DNAL1: variants seen among roughly 807,000 people sequenced by gnomAD.
DNAL1 encodes the protein dynein axonemal light chain 1.
DNAL1 carries 17 observed loss-of-function variants against 29.4 expected under a neutral mutation model. The observed-to-expected ratio is 0.58, with a 90% CI of 0.40 to 0.87. The LOEUF (loss-of-function observed/expected upper bound fraction) is 0.87. Ranked by LOEUF, DNAL1 falls within the 40% of genes least tolerant of loss-of-function variation. The pLI is 0.00. For missense variants in DNAL1, 188 were observed against 214.1 expected (o/e 0.88, Z 0.76); for synonymous variants, 78 against 76.3 (o/e 1.02, Z -0.12).
chr14:73,669,508 C>CTCG (rs1288680452), intron 4 of DNAL1, among the ~76,000 whole-genome samples: 1 of 152,154 alleles, frequency 6.6e-6, no homozygotes, highest in African/African-American at 2.4e-5. Context: ...ATCTTCTGAC[C>CTCG]TCGTGATCCA....
At chr14:73,676,590 G>A (rs56227914) in intron 5 of DNAL1, among the ~76,000 whole-genome samples, 2,483 of 152,126 alleles carry the variant, frequency 0.016, 54 homozygotes, top group African/African-American at 0.054. Flanking sequence ...TAGCTGTGTA[G>A]TTTTCTACAG....
intron 1 of DNAL1, among the ~76,000 whole-genome samples, chr14:73,648,613 C>G (rs948230424): frequency 2.7e-5 from 4 of 149,690 alleles, no homozygotes; most frequent in Admixed American, 2.7e-4. Context: ...AGAGGGTTCT[C>G]CATGTTGCCC....
At chr14:73,689,271 A>T (rs1421898617) in intron 6 of DNAL1, 104 bp from the exon 7 acceptor site, 58 of 1,347,806 alleles carry the variant, frequency 4.3e-5, no homozygotes, top group Non-Finnish European at 5.4e-5. Flanking sequence ...TGATGTCGTG[A>T]TCCGCCCGCC....
At position 73,684,635 on chromosome 14, in the gene DNAL1, G is replaced by A. The variant is rs114114129; in HGVS notation, c.265-2624G>A. Among the ~76,000 whole-genome samples the A allele has an allele frequency of 8.1e-3, 1,236 of 152,194 alleles. 24 individuals carry two copies. Among genetic ancestry groups the A allele is most frequent in the African/African-American group, 0.028 (1,160 of 41,498 alleles). ...AGGTCAGCTGGGCATGGTGGCTCAC[G>A]CCTATAGTCCTAGCACTTTGGGAGG... On this transcript the variant is annotated intron_variant, in intron 5 of 7. Transcript: ENST00000553645.
chr14:73,666,098 G>T (rs1891471430), intron 4 of DNAL1, among the ~76,000 whole-genome samples: 1 of 152,092 alleles, frequency 6.6e-6, no homozygotes, highest in Non-Finnish European at 1.5e-5. Flanking sequence ...TGACTATGAA[G>T]CAAAAAGAAG....
At position 73,696,068 on chromosome 14, in the gene DNAL1, C is replaced by T; in HGVS notation, c.*126C>T. 1.1e-6 allele frequency: 1 copy of T among 869,588 alleles called. No individual in the cohort carries two copies. The highest frequency in any genetic ancestry group is 1.7e-6 in the Non-Finnish European group (1 of 581,800). The allele number at this position is 869,588 out of a possible 1,614,324, so 53.9% of individuals were successfully genotyped here. ...GTTTCTTAAGATAAAACAGATCACT[C>T]ATTCTCATCTTTTTTTTTCCTTTAA... On this transcript the variant is annotated 3_prime_UTR_variant, in exon 8 of 8. Transcript: ENST00000553645.
chr14:73,663,979 G>T (rs1324307349), intron 4 of DNAL1, among the ~76,000 whole-genome samples: 3 of 152,156 alleles, frequency 2.0e-5, no homozygotes, highest in Non-Finnish European at 2.9e-5. Context: ...TCTCTTCTTT[G>T]TATAATTGTG....
chr14:73,660,002 T>C (rs1891308203), intron 3 of DNAL1, among the ~76,000 whole-genome samples: 2 of 152,092 alleles, frequency 1.3e-5, no homozygotes, highest in Admixed American at 1.3e-4. Flanking sequence ...TCTCGGCTCA[T>C]TGGAACCTCT....
At chr14:73,667,194 G>A (rs1253090162) in intron 4 of DNAL1, among the ~76,000 whole-genome samples, 5 of 151,146 alleles carry the variant, frequency 3.3e-5, no homozygotes, top group East Asian at 1.9e-4. Context: ...GGGGACGGTG[G>A]CTCACACCTG....
chr14:73,691,843 G>GCC (rs1256450027), intron 7 of DNAL1, among the ~76,000 whole-genome samples: 36 of 98,420 alleles, frequency 3.7e-4, no homozygotes, highest in African/African-American at 1.2e-3. Context: ...ACAGGCGTGC[G>GCC]CCACCCCCCC....
Position 73,689,394 on chromosome 14 carries a change from A to G in DNAL1, c.411A>G (p.Ala137=), listed in dbSNP as rs568135719. The part of the protein sequence containing the change: ...VKDWAEFVKL[A]ELPCLEDLVF... ...TTGTAGCTGAGTTTGTGAAGCTGGCAGAACTGCCATGCCTCGAAGACCTGG... is the reference window on the plus strand; with the variant it reads ...TTGTAGCTGAGTTTGTGAAGCTGGCGGAACTGCCATGCCTCGAAGACCTGG... Residue 137 remains alanine, a synonymous_variant, in exon 7 of 8, where the codon GCA becomes GCG. Transcript: ENST00000553645. 4.5e-6 allele frequency: 7 copies of G among 1,552,968 alleles called. No homozygotes were observed. The highest frequency in any genetic ancestry group is 6.1e-6 in the Non-Finnish European group (7 of 1,147,552).
chr14:73,658,961 G>C lies in DNAL1; in HGVS notation c.152+5G>C. 4.1e-6 allele frequency: 6 copies of C among 1,469,224 alleles called. No individual in the cohort carries two copies. The highest frequency in any genetic ancestry group is 5.4e-6 in the Non-Finnish European group (6 of 1,102,264). The allele number at this position is 1,469,224 out of a possible 1,614,324, so 91.0% of individuals were successfully genotyped here. On this transcript the variant is annotated splice_donor_5th_base_variant and intron_variant, in intron 3 of 7. Coordinates refer to ENST00000553645, the MANE Select transcript of DNAL1 (RefSeq NM_031427.4). ...GTCCATGCTTGCTAATTGCGAGTAA[G>C]TTCTCTTTTCATCCTTCCAGTATTG...
intron 7 of DNAL1, among the ~76,000 whole-genome samples, chr14:73,694,803 C>T (rs1457068309): frequency 6.6e-6 from 1 of 151,502 alleles, no homozygotes; most frequent in African/African-American, 2.4e-5. Flanking sequence ...GATTCTCCTG[C>T]CTCAGCCTTC....
chr14:73,693,992 C>A (rs532669473), intron 7 of DNAL1, among the ~76,000 whole-genome samples: 2 of 152,194 alleles, frequency 1.3e-5, no homozygotes, highest in African/African-American at 4.8e-5. Context: ...TCAAACTATG[C>A]TCACTGCCGT....
intron 1 of DNAL1, among the ~76,000 whole-genome samples, chr14:73,648,549 G>T (rs1595197892): frequency 3.3e-5 from 5 of 150,684 alleles, no homozygotes; most frequent in Admixed American, 3.3e-4. Flanking sequence ...GAGTAGTTGG[G>T]ACTACAGGCC....
At chr14:73,665,855 G>A (rs985820891) in intron 4 of DNAL1, among the ~76,000 whole-genome samples, 4 of 152,036 alleles carry the variant, frequency 2.6e-5, no homozygotes, top group African/African-American at 4.8e-5. Flanking sequence ...GGCTGGCAGT[G>A]GGTTTTAAAT....
intron 4 of DNAL1, among the ~76,000 whole-genome samples, chr14:73,669,149 T>C (rs1380276123): frequency 1.3e-5 from 2 of 152,138 alleles, no homozygotes; most frequent in Non-Finnish European, 2.9e-5. Flanking sequence ...CCTTTTTCTT[T>C]TTTTCTTTTA....
intron 5 of DNAL1, among the ~76,000 whole-genome samples, chr14:73,686,166 C>A (rs553219513): frequency 6.6e-6 from 1 of 152,066 alleles, no homozygotes; most frequent in Non-Finnish European, 1.5e-5. Context: ...TATTTCATTG[C>A]GCCAGTCTCC....
At chr14:73,688,440 A>AT (rs1187917365) in intron 6 of DNAL1, among the ~76,000 whole-genome samples, 4 of 151,444 alleles carry the variant, frequency 2.6e-5, no homozygotes, top group Non-Finnish European at 5.9e-5. Flanking sequence ...CAAAACCCAA[A>AT]TTTTTTTTTG....
Sources: allele counts gnomAD v4.1 joint callset (sites outside exome capture counted in the v4.1 genomes callset), GRCh38; gene constraint gnomAD v4.1.1; transcripts MANE v1.5; gene names NCBI Gene and HGNC (gene_info 2026-07-23, HGNC 2026-07-21).